ABCA12: variants seen among roughly 807,000 people sequenced by gnomAD.
The protein encoded by ABCA12 is ATP binding cassette subfamily A member 12.
Under a neutral mutation model 293.5 loss-of-function variants are expected in ABCA12, and 156 were observed. That is an observed-to-expected ratio of 0.53 (90% CI 0.47 to 0.61). The LOEUF (loss-of-function observed/expected upper bound fraction) is 0.61. ABCA12 is among the 20% of genes least tolerant of loss of function. The pLI is 0.00. For missense variants in ABCA12, 2,797 were observed against 3,090.2 expected (o/e 0.91, Z 2.25); for synonymous variants, 1,063 against 1,108.0 (o/e 0.96, Z 0.81).
chr2:215,010,133 G>A (rs1048288592), intron 18 of ABCA12, among the ~76,000 whole-genome samples, 198 bp downstream of exon 18: 1 of 151,946 alleles, frequency 6.6e-6, no homozygotes, highest in Non-Finnish European at 1.5e-5. Context: ...CTCTTCAAAG[G>A]GCTCCCACCC....
chr2:215,046,999 T>C (rs776328645), intron 6 of ABCA12, among the ~76,000 whole-genome samples: 10 of 152,148 alleles, frequency 6.6e-5, no homozygotes, highest in Non-Finnish European at 1.5e-4. Flanking sequence ...CTGCATGTTC[T>C]CACTTGTAAG....
intron 50 of ABCA12, among the ~76,000 whole-genome samples, chr2:214,938,912 G>A (rs1375993338): frequency 6.6e-6 from 1 of 152,130 alleles, no homozygotes; most frequent in Non-Finnish European, 1.5e-5. Context: ...TAGGTTGCCT[G>A]TTCACTCTGA....
Position 214,934,193 on chromosome 2 carries a change from T to A in ABCA12, c.7565A>T (p.Glu2522Val). 6.2e-7 allele frequency: 1 copy of A among 1,613,768 alleles called. No homozygotes were observed. Among genetic ancestry groups the A allele is most frequent in the Non-Finnish European group, 8.5e-7 (1 of 1,179,750 alleles). ...YLKDQHLSML[E>V]YHVPVTAGGV... ...TCCTGCTGTGACTGGTACATGATAC[T>A]CTAGCATGCTGAGGTGCTGATCCTG... is the stretch of plus-strand genomic sequence containing the variant. The change falls in exon 52 of 53, where the codon GAG becomes GTG. Residue 2522 changes from glutamate (E) to valine (V), a missense_variant. Physicochemically the swap from Glu to Val is moderately radical, Grantham distance 121. Coordinates refer to ENST00000272895, the MANE Select transcript of ABCA12 (RefSeq NM_173076.3).
chr2:215,053,998 C>T (rs188137166), intron 4 of ABCA12, among the ~76,000 whole-genome samples: 338 of 152,078 alleles, frequency 2.2e-3, no homozygotes, highest in Non-Finnish European at 3.9e-3. Flanking sequence ...AGTCTCTGCA[C>T]GTGAAAATTT....
At chr2:214,975,670 G>A in intron 34 of ABCA12, 115 bp downstream of exon 34, 1 of 1,387,726 alleles carries the variant, frequency 7.2e-7, no homozygotes, top group Non-Finnish European at 1.0e-6. Flanking sequence ...AGCAGAATCA[G>A]GTACCATGGC....
intron 18 of ABCA12, 35 bp downstream of exon 18, chr2:215,010,296 T>G: frequency 6.2e-7 from 1 of 1,612,336 alleles, no homozygotes; most frequent in Non-Finnish European, 8.5e-7. Context: ...AACATCTTAA[T>G]AGTCAAAATA....
At chr2:215,029,597 T>G (rs1700829275) in intron 9 of ABCA12, among the ~76,000 whole-genome samples, 1 of 152,108 alleles carries the variant, frequency 6.6e-6, no homozygotes, top group Non-Finnish European at 1.5e-5. Flanking sequence ...TAGAGGACAG[T>G]TGGGCTAGAA....
intron 50 of ABCA12, 91 bp downstream of exon 50, chr2:214,942,834 C>G (rs1270501829): frequency 1.8e-6 from 2 of 1,114,072 alleles, no homozygotes; most frequent in Admixed American, 3.8e-5. Context: ...AGTTTTACTA[C>G]TTAGGCTGCT....
At position 215,060,970 on chromosome 2, in the gene ABCA12, G is replaced by C. The variant is rs540232519; in HGVS notation, c.317+3096C>G. 2.7e-4 allele frequency among the ~76,000 whole-genome samples: 41 copies of C among 152,116 alleles called. No individual in the cohort carries two copies. In the South Asian group the frequency reaches 3.5e-3, roughly 13 times the overall value. On this transcript the variant is annotated intron_variant, in intron 3 of 52. Transcript: ENST00000272895. ...GAGGAAACTGCCCCCAGGATCTCAG[G>C]AAAGCTGAATCCCTTCTCCAAATAA...
chr2:215,017,910 G>T, intron 14 of ABCA12, 98 bp downstream of exon 14: 1 of 1,538,906 alleles, frequency 6.5e-7, no homozygotes, highest in Non-Finnish European at 8.9e-7. Flanking sequence ...AGATTAGCAT[G>T]CAACTTCTCA....
At chr2:215,049,532 A>T (rs1701274629) in intron 6 of ABCA12, 94 bp downstream of exon 6, 1 of 1,275,072 alleles carries the variant, frequency 7.8e-7, no homozygotes. Context: ...AAGGTAAACA[A>T]ATATCCCAGT....
At chr2:214,948,362 AAC>A (rs1698644628) in intron 47 of ABCA12, among the ~76,000 whole-genome samples, 1 of 152,168 alleles carries the variant, frequency 6.6e-6, no homozygotes, top group African/African-American at 2.4e-5. Context: ...TAACTGAACA[AAC>A]ACGGGCCAAG....
chr2:214,983,514 G>T, intron 29 of ABCA12, 133 bp downstream of exon 29: 1 of 844,256 alleles, frequency 1.2e-6, no homozygotes, highest in Non-Finnish European at 2.0e-6. Flanking sequence ...TATTAAATAA[G>T]TAGAAAAACT....
chr2:215,032,794 T>A (rs1700907842), intron 8 of ABCA12, among the ~76,000 whole-genome samples: 1 of 152,224 alleles, frequency 6.6e-6, no homozygotes, highest in South Asian at 2.1e-4. Context: ...CTGTCATTTT[T>A]AACATTGGCC....
intron 40 of ABCA12, 120 bp downstream of exon 40, chr2:214,958,904 T>C (rs1699033105): frequency 9.0e-7 from 1 of 1,109,304 alleles, no homozygotes; most frequent in Non-Finnish European, 1.4e-6. Flanking sequence ...CAGTGACATA[T>C]TACCAGCCCT....
chr2:215,104,419 G>C (rs1173856706), intron 2 of ABCA12, among the ~76,000 whole-genome samples: 1 of 152,204 alleles, frequency 6.6e-6, no homozygotes, highest in Non-Finnish European at 1.5e-5. Flanking sequence ...ATGAGAGTCA[G>C]GCCAGGAGCT....
chr2:215,109,315 C>T (rs761410493), intron 2 of ABCA12, among the ~76,000 whole-genome samples: 6 of 152,070 alleles, frequency 3.9e-5, no homozygotes, highest in Non-Finnish European at 8.8e-5. Flanking sequence ...CGGTTTTCAC[C>T]ACCTTTCTTT....
chr2:215,064,967 C>T (rs1030067625), intron 2 of ABCA12, among the ~76,000 whole-genome samples: 24 of 151,814 alleles, frequency 1.6e-4, no homozygotes, highest in Admixed American at 1.3e-4. Context: ...ATCCTATATA[C>T]ACAACTTCTT....
At chr2:214,987,830 T>C in intron 26 of ABCA12, 37 bp from the exon 27 acceptor site, 2 of 1,606,598 alleles carry the variant, frequency 1.2e-6, no homozygotes, top group Non-Finnish European at 1.7e-6. Flanking sequence ...TGAGTTTTAG[T>C]TGACTGTTAA....
Sources: allele counts gnomAD v4.1 joint callset (sites outside exome capture counted in the v4.1 genomes callset), GRCh38; gene constraint gnomAD v4.1.1; transcripts MANE v1.5; gene names NCBI Gene and HGNC (gene_info 2026-07-23, HGNC 2026-07-21).